MPHOSPH9: variants seen among roughly 807,000 people sequenced by gnomAD.
MPHOSPH9 encodes M-phase phosphoprotein 9.
A neutral mutation model predicts 145.5 loss-of-function variants in MPHOSPH9; 88 were observed. That is an observed-to-expected ratio of 0.60 (90% CI 0.51 to 0.72). The LOEUF (loss-of-function observed/expected upper bound fraction) is 0.72, where lower values mean the gene tolerates loss of function less well. MPHOSPH9 is among the 30% of genes least tolerant of loss of function. The probability of loss-of-function intolerance (pLI) is 0.00; values close to 1 mark genes in which losing one functional copy is unlikely to be tolerated. For synonymous variants in MPHOSPH9, 435 were observed against 486.2 expected (o/e 0.89, Z 1.39); for missense variants, 1,238 against 1,386.6 (o/e 0.89, Z 1.70).
At chr12:123,180,631 G>A (rs1003651649) in intron 14 of MPHOSPH9, among the ~76,000 whole-genome samples, 3 of 152,182 alleles carry the variant, frequency 2.0e-5, no homozygotes, top group Non-Finnish European at 4.4e-5. Context: ...CCAGCACTCA[G>A]GGAGGCTGAC....
intron 6 of MPHOSPH9, among the ~76,000 whole-genome samples, chr12:123,217,203 AC>A (rs1252200074): frequency 4.0e-5 from 6 of 151,216 alleles, no homozygotes; most frequent in Non-Finnish European, 7.4e-5. Flanking sequence ...TCAAATTTCA[AC>A]CTTTTTTTTT....
chr12:123,194,014 A>C (rs1205512420), intron 13 of MPHOSPH9, among the ~76,000 whole-genome samples: 2 of 152,198 alleles, frequency 1.3e-5, no homozygotes, highest in East Asian at 3.9e-4. Flanking sequence ...GATACCTGTA[A>C]TCCCAGGACT....
intron 16 of MPHOSPH9, among the ~76,000 whole-genome samples, chr12:123,173,900 G>A (rs1050052162): frequency 6.6e-6 from 1 of 152,202 alleles, no homozygotes; most frequent in Non-Finnish European, 1.5e-5. Flanking sequence ...GAGGGCTGTG[G>A]GAACCTCAAC....
Position 123,164,066 on chromosome 12 carries a change from G to GCT in MPHOSPH9, c.2791_2792insAG (p.Ser931Ter). Residue 931 changes from serine to a stop codon, truncating the protein, a stop_gained and frameshift_variant, in exon 19 of 24, where the codon TCA becomes TAGCA. Coordinates refer to ENST00000606320, the MANE Select transcript of MPHOSPH9 (RefSeq NM_022782.4). LOFTEE classifies it high-confidence loss of function. The part of the protein sequence containing the change: ...SNINPRQTET[S>*]VNASRSPEKC... ...TTCTGGAGAACGACTTGCATTAACT[G>GCT]AAGTTTCAGTTTGCCGAGGATTTAC... The GCT allele has an allele frequency of 6.2e-7, 1 of 1,614,082 alleles. No individual in the cohort carries two copies. Among genetic ancestry groups the GCT allele is most frequent in the Non-Finnish European group, 8.5e-7 (1 of 1,180,010 alleles).
At chr12:123,222,218 A>G (rs931090767) in intron 4 of MPHOSPH9, among the ~76,000 whole-genome samples, 4 of 151,854 alleles carry the variant, frequency 2.6e-5, no homozygotes, top group African/African-American at 9.7e-5. Context: ...CCAGCTACTC[A>G]GGAGTCTGAG....
chr12:123,181,594 A>G (rs992572459), intron 13 of MPHOSPH9, among the ~76,000 whole-genome samples: 2 of 151,746 alleles, frequency 1.3e-5, no homozygotes, highest in Non-Finnish European at 2.9e-5. Flanking sequence ...TCGGTGGCTC[A>G]CGCCTGTAAT....
At chr12:123,192,270 A>G (rs764916512) in intron 13 of MPHOSPH9, among the ~76,000 whole-genome samples, 6 of 151,986 alleles carry the variant, frequency 3.9e-5, no homozygotes, top group East Asian at 1.9e-4. Flanking sequence ...CCTGGGCAAC[A>G]TGGCGAAACC....
At chr12:123,185,621 T>C (rs1054530906) in intron 13 of MPHOSPH9, among the ~76,000 whole-genome samples, 1 of 152,034 alleles carries the variant, frequency 6.6e-6, no homozygotes, top group African/African-American at 2.4e-5. Context: ...CTGTAGTGTC[T>C]GTAGTCTCAG....
At chr12:123,179,809 A>C (rs1263380240) in intron 15 of MPHOSPH9, 117 bp downstream of exon 15, 1 of 517,258 alleles carries the variant, frequency 1.9e-6, no homozygotes, top group Non-Finnish European at 3.4e-6. Flanking sequence ...TTAAGACAAA[A>C]CTAGTTCTCA....
chr12:123,238,414 A>G (rs1239199142), intron 1 of MPHOSPH9, among the ~76,000 whole-genome samples: 3 of 152,110 alleles, frequency 2.0e-5, no homozygotes, highest in Admixed American at 6.6e-5. Flanking sequence ...AGGAAGAGAC[A>G]AGACGGAATA....
chr12:123,235,314 G>A (rs1370949547), upstream of MPHOSPH9, among the ~76,000 whole-genome samples: 11 of 152,250 alleles, frequency 7.2e-5, no homozygotes, highest in African/African-American at 1.9e-4. Flanking sequence ...CACAGAGCTC[G>A]CAATCCTTGG....
intron 8 of MPHOSPH9, among the ~76,000 whole-genome samples, chr12:123,207,836 G>C (rs2138419596): frequency 7.0e-6 from 1 of 143,366 alleles, no homozygotes; most frequent in East Asian, 2.0e-4. Flanking sequence ...CTGGGCAACA[G>C]AGCGAGACTC....
chr12:123,165,418 A>G lies in MPHOSPH9; in HGVS notation c.2651T>C (p.Ile884Thr), dbSNP rs2044275247. 9 of 1,613,906 alleles carry G rather than the reference A, an allele frequency of 5.6e-6. No individual in the cohort carries two copies. Among genetic ancestry groups the G allele is most frequent in the Non-Finnish European group, 7.6e-6 (9 of 1,179,962 alleles). Residue 884 changes from isoleucine to threonine, a missense_variant, in exon 18 of 24, where the codon ATA (isoleucine) becomes ACA (threonine). By Grantham distance (89) the Ile-to-Thr change is moderately conservative. Around this residue, in one of 3 missense-constraint regions of MPHOSPH9, gnomAD observed 393 missense variants for 462.5 expected, o/e 0.85. Transcript: ENST00000606320. Reference protein sequence around the residue: ...SPGSSSTSLLIKKQRETSDTP... With the variant: ...SPGSSSTSLLTKKQRETSDTP... Reference sequence around the variant, plus strand: ...GTCTGAAGTCTCTCTTTGCTTTTTTATCAACAAGCTTGTTGATGAACTTCC... The same window carrying G: ...GTCTGAAGTCTCTCTTTGCTTTTTTGTCAACAAGCTTGTTGATGAACTTCC...
chr12:123,174,124 A>G (rs2044719303), intron 16 of MPHOSPH9, among the ~76,000 whole-genome samples: 1 of 152,192 alleles, frequency 6.6e-6, no homozygotes, highest in Non-Finnish European at 1.5e-5. Context: ...CTGGGTCACA[A>G]AAGTCTTCTG....
chr12:123,177,323 C>T (rs1184766265), intron 15 of MPHOSPH9, among the ~76,000 whole-genome samples: 1 of 152,130 alleles, frequency 6.6e-6, no homozygotes, highest in Non-Finnish European at 1.5e-5. Flanking sequence ...CATCTGATGT[C>T]AGGAGTTCGA....
intron 21 of MPHOSPH9, among the ~76,000 whole-genome samples, chr12:123,161,854 T>C (rs1380951287): frequency 6.6e-6 from 1 of 152,114 alleles, no homozygotes; most frequent in Non-Finnish European, 1.5e-5. Flanking sequence ...ATATAGAGAA[T>C]AAAAGTAAAG....
At chr12:123,166,893 A>G in intron 16 of MPHOSPH9, 104 bp from the exon 17 acceptor site, 1 of 1,172,854 alleles carries the variant, frequency 8.5e-7, no homozygotes, top group Non-Finnish European at 1.2e-6. Flanking sequence ...ACACATTTGT[A>G]CACTAATTTA....
intron 16 of MPHOSPH9, among the ~76,000 whole-genome samples, chr12:123,168,525 G>T (rs934429362): frequency 1.3e-5 from 2 of 151,732 alleles, no homozygotes; most frequent in Non-Finnish European, 2.9e-5. Flanking sequence ...TGTATTTTTA[G>T]TAGAGACGGG....
intron 10 of MPHOSPH9, 102 bp downstream of exon 10, chr12:123,202,520 AAT>A: frequency 7.8e-7 from 1 of 1,283,630 alleles, no homozygotes; most frequent in South Asian, 1.5e-5. Context: ...AAAAATGCTA[AAT>A]CTCTAAGACT....
Sources: gnomAD v4.1 joint callset for allele counts (sites outside exome capture counted in the v4.1 genomes callset) on GRCh38, gnomAD v4.1.1 for gene constraint, gnomAD v4.1.1 regional missense constraint, MANE v1.5 for transcripts, NCBI Gene and HGNC (gene_info 2026-07-23, HGNC 2026-07-21) for gene names.